The following CCDC63 variants were observed in gnomAD, a reference collection of about 807,000 sequenced individuals.
CCDC63 encodes coiled-coil domain-containing protein 63.
In CCDC63, 54 loss-of-function variants were observed where a neutral mutation model predicts 63.6. The ratio of observed to expected loss-of-function variants is 0.85; its 90% CI spans 0.68 to 1.07. CCDC63 has a LOEUF of 1.07. Among genes scored for constraint, CCDC63 ranks in the 50% least tolerant of loss-of-function variants. The probability of loss-of-function intolerance (pLI) is 0.00; values close to 1 mark genes in which losing one functional copy is unlikely to be tolerated. For synonymous variants in CCDC63, 253 were observed against 266.1 expected, an observed-to-expected ratio of 0.95 and a Z score of 0.48; for missense variants, 637 against 689.6, an observed-to-expected ratio of 0.92 and a Z score of 0.86.
At chr12:110,853,253 A>C in intron 2 of CCDC63, 152 bp from the exon 3 acceptor site, 1 of 777,186 alleles carries the variant, frequency 1.3e-6, no homozygotes, top group South Asian at 1.8e-5. Context: ...TTTTCCATGT[A>C]ATAGACAAGC....
Position 110,884,259 on chromosome 12 carries a change from G to A in CCDC63, c.1074+9G>A, listed in dbSNP as rs764711997. The A allele has an allele frequency of 7.4e-6, 12 of 1,611,600 alleles. No homozygotes were observed. The highest frequency in any genetic ancestry group is 4.5e-5 in the East Asian group (2 of 44,868). On this transcript the variant is annotated intron_variant, in intron 8 of 11. Transcript: ENST00000308208. ...GGACCCAACGAATCCAGGTCAGGGC[G>A]GCTCTGCTTTCCCAGGCCCTGGGCC...
At chr12:110,881,363 CTTTTT>C (rs2136699204) in intron 7 of CCDC63, 67 bp downstream of exon 7, 1 of 1,488,484 alleles carries the variant, frequency 6.7e-7, no homozygotes, top group Non-Finnish European at 9.1e-7. Flanking sequence ...CTCTTTCTCT[CTTTTT>C]AAGTGAAGGT....
rs116032516 is a variant in CCDC63 at position 110,904,776 on chromosome 12, G to T, written c.1531G>T (p.Asp511Tyr). The T allele has an allele frequency of 6.2e-7, 1 of 1,609,562 alleles. No individual in the cohort carries two copies. Among genetic ancestry groups the T allele is most frequent in the African/African-American group, 1.3e-5 (1 of 74,634 alleles). ...AGTGCTGGGGGCTGACCCCTTCAGC[G>T]ACAGGTTGGATGATGGTGAGTTCTC... ...PPVLGADPFSDRLDDVEQPLD... is the reference protein window; with the variant it reads ...PPVLGADPFSYRLDDVEQPLD... Residue 511 changes from aspartate (D) to tyrosine (Y), a missense_variant, in exon 11 of 12, where the codon GAC (aspartate) becomes TAC (tyrosine). Coordinates refer to ENST00000308208, the MANE Select transcript of CCDC63 (RefSeq NM_152591.3).
chr12:110,860,647 C>T (rs1036112181), intron 4 of CCDC63, among the ~76,000 whole-genome samples: 2 of 152,056 alleles, frequency 1.3e-5, no homozygotes, highest in African/African-American at 2.4e-5. Flanking sequence ...TGGAGTGTAG[C>T]GGCATGATCT....
chr12:110,883,608 T>G (rs9300317), intron 7 of CCDC63, among the ~76,000 whole-genome samples: 126 of 151,820 alleles, frequency 8.3e-4, no homozygotes, highest in Admixed American at 1.2e-3. Flanking sequence ...ATATATATTT[T>G]TTTGTTTGTT....
Position 110,852,852 on chromosome 12 carries a change from T to A in CCDC63, c.-96-7T>A. 1 of 1,590,132 alleles carries A rather than the reference T, an allele frequency of 6.3e-7. No individual in the cohort carries two copies. The highest frequency in any genetic ancestry group is 8.6e-7 in the Non-Finnish European group (1 of 1,158,500). The stretch of plus-strand genomic sequence containing the variant: ...ACAAGTTCTCTTCCTTTTGCCACCA[T>A]GAACAGGGCATTGCAGAGAGACAGA... On this transcript the variant is annotated splice_region_variant and splice_polypyrimidine_tract_variant and intron_variant, in intron 1 of 11. Coordinates refer to ENST00000308208, the MANE Select transcript of CCDC63 (RefSeq NM_152591.3).
intron 6 of CCDC63, 117 bp downstream of exon 6, chr12:110,880,204 A>G (rs563381400): frequency 7.3e-5 from 62 of 851,004 alleles, no homozygotes; most frequent in Non-Finnish European, 1.0e-4. Context: ...ATCTTAAATC[A>G]TAGTAGTAAT....
rs899219260 is a variant in CCDC63, at chr12:110,852,841, T to G, written c.-96-18T>G. The G allele has an allele frequency of 1.3e-6, 2 of 1,562,894 alleles. No homozygotes were observed. The highest frequency in any genetic ancestry group is 1.4e-5 in the African/African-American group (1 of 73,902). ...AGGGGTGGCTTACAAGTTCTCTTCCTTTTGCCACCATGAACAGGGCATTGC... is the reference window on the plus strand; with the variant it reads ...AGGGGTGGCTTACAAGTTCTCTTCCGTTTGCCACCATGAACAGGGCATTGC... On this transcript the variant is annotated intron_variant, in intron 1 of 11. Transcript: ENST00000308208.
chr12:110,858,532 C>A, intron 3 of CCDC63, 54 bp from the exon 4 acceptor site: 1 of 1,527,058 alleles, frequency 6.5e-7, no homozygotes, highest in Non-Finnish European at 8.9e-7. Context: ...CTGGAGTGCT[C>A]CGTCAAGTTA....
chr12:110,883,841 T>A (rs1390791241), intron 7 of CCDC63, among the ~76,000 whole-genome samples, 189 bp from the exon 8 acceptor site: 2 of 152,298 alleles, frequency 1.3e-5, no homozygotes, highest in East Asian at 3.9e-4. Flanking sequence ...GGTTTCGCCA[T>A]GTTGGCTAGG....
At chr12:110,905,183 C>G (rs1423317171) in intron 11 of CCDC63, among the ~76,000 whole-genome samples, 1 of 152,152 alleles carries the variant, frequency 6.6e-6, no homozygotes, top group Non-Finnish European at 1.5e-5. Context: ...CTGAGTCTCA[C>G]TCACCTATGA....
At chr12:110,897,896 A>G (rs2071434414) in intron 9 of CCDC63, among the ~76,000 whole-genome samples, 1 of 151,838 alleles carries the variant, frequency 6.6e-6, no homozygotes, top group Non-Finnish European at 1.5e-5. Context: ...ATGCCCAACT[A>G]ATTTTTGTAT....
chr12:110,861,603 A>G (rs1593646959), intron 4 of CCDC63, among the ~76,000 whole-genome samples: 1 of 148,920 alleles, frequency 6.7e-6, no homozygotes, highest in Non-Finnish European at 1.5e-5. Flanking sequence ...ACGGAGTCCC[A>G]CTCTGTCACC....
At chr12:110,878,109 C>T (rs549154825) in intron 5 of CCDC63, among the ~76,000 whole-genome samples, 2 of 152,120 alleles carry the variant, frequency 1.3e-5, no homozygotes, top group African/African-American at 2.4e-5. Flanking sequence ...CCAGTTTCAT[C>T]CATGTTGTGG....
At chr12:110,853,052 G>A in intron 2 of CCDC63, 89 bp downstream of exon 2, 1 of 1,422,268 alleles carries the variant, frequency 7.0e-7, no homozygotes, top group Non-Finnish European at 9.9e-7. Flanking sequence ...GTCTCATCCT[G>A]ACAAACAGAT....
chr12:110,906,640 C>T (rs943919614), intron 11 of CCDC63, among the ~76,000 whole-genome samples: 1 of 151,940 alleles, frequency 6.6e-6, no homozygotes, highest in South Asian at 2.1e-4. Flanking sequence ...CACGTGCACA[C>T]ACACACATGC....
chr12:110,901,756 G>A (rs985825153), intron 10 of CCDC63, among the ~76,000 whole-genome samples: 2 of 152,086 alleles, frequency 1.3e-5, no homozygotes, highest in African/African-American at 4.8e-5. Flanking sequence ...GCAAATGACA[G>A]GATCTCATTC....
intron 10 of CCDC63, among the ~76,000 whole-genome samples, chr12:110,900,143 G>A (rs1316270020): frequency 6.6e-6 from 1 of 152,162 alleles, no homozygotes. Flanking sequence ...AACCTGAGAA[G>A]TGGAGGTTGT....
At chr12:110,856,464 C>T (rs565724417) in intron 3 of CCDC63, among the ~76,000 whole-genome samples, 10 of 152,146 alleles carry the variant, frequency 6.6e-5, no homozygotes, top group Non-Finnish European at 1.3e-4. Context: ...TTCCCCCGCC[C>T]GCCTCCTTCC....
Sources: gnomAD v4.1 joint callset for allele counts (sites outside exome capture counted in the v4.1 genomes callset) on GRCh38, gnomAD v4.1.1 for gene constraint, MANE v1.5 for transcripts, NCBI Gene and HGNC (gene_info 2026-07-23, HGNC 2026-07-21) for gene names.